The following OVCH1 variants were observed in gnomAD, a reference collection of about 807,000 sequenced individuals.
The protein encoded by OVCH1 is ovochymase-1.
A neutral mutation model predicts 138.4 loss-of-function variants in OVCH1; 139 were observed. The observed-to-expected ratio is 1.00, with a 90% confidence interval of 0.87 to 1.16. OVCH1 has a LOEUF of 1.16. Ranked by LOEUF, OVCH1 falls within the 50% of genes most tolerant of loss-of-function variation. OVCH1 has a pLI of 0.00. For synonymous variants in OVCH1, 453 were observed against 467.8 expected, an observed-to-expected ratio of 0.97 and a Z score of 0.41; for missense variants, 1,367 against 1,357.9, an observed-to-expected ratio of 1.01 and a Z score of -0.11.
At position 29,485,964 on chromosome 12, in the gene OVCH1, AAAATAAAATAAATAAATAAAT is replaced by A. The variant is rs199775683; in HGVS notation, c.995+261_995+281del. Among the ~76,000 whole-genome samples the A allele has an allele frequency of 5.5e-4, 54 of 98,820 alleles. No individual in the cohort carries two copies. In the East Asian group the frequency reaches 0.012, roughly 22 times the overall value. 64.8% of individuals were successfully genotyped at this position (98,820 alleles called of 152,430 possible). A position where few individuals can be genotyped will look rare whatever the true frequency, so the allele number is the denominator to read the frequency against. ...CATCTCAAAATAAATAAAATAAAATAAAATAAAATAAATAAATAAATAAATAAATAAATAAATAAATAAATA... is the reference window on the plus strand; with the variant it reads ...CATCTCAAAATAAATAAAATAAAATAAAATAAATAAATAAATAAATAAATA... On this transcript the variant is annotated intron_variant, in intron 8 of 27. Transcript: ENST00000318184.
At chr12:29,496,151 C>T in intron 3 of OVCH1, 30 bp downstream of exon 3, 1 of 1,550,238 alleles carries the variant, frequency 6.5e-7, no homozygotes, top group Non-Finnish European at 8.8e-7. Context: ...GGAATCAAGG[C>T]CTGACAAGTA....
Position 29,464,610 on chromosome 12 carries a change from CA to C in OVCH1, c.2021del (p.Leu674ArgfsTer7). On this transcript the variant is annotated frameshift_variant, in exon 18 of 28. Transcript: ENST00000318184. LOFTEE classifies it high-confidence loss of function. ...CTGGCCTCACCACCGAGTTGTACTC[CA>C]GAGGAGAGCTTAGTTGTATTAGGGC... is the stretch of plus-strand genomic sequence containing the variant. 1 of 1,613,618 alleles carries C rather than the reference CA, an allele frequency of 6.2e-7. No individual in the cohort carries two copies. The highest frequency in any genetic ancestry group is 8.5e-7 in the Non-Finnish European group (1 of 1,179,696).
Position 29,455,287 on chromosome 12 carries a change from ACT to A in OVCH1, c.2397_2398del (p.Arg799SerfsTer22), listed in dbSNP as rs749132658. 3 of 1,613,628 alleles carry A rather than the reference ACT, an allele frequency of 1.9e-6. No homozygotes were observed. Among genetic ancestry groups the A allele is most frequent in the South Asian group, 1.1e-5 (1 of 91,056 alleles). ...TTGGATCCAGTCCAAGAAGATCATC[ACT>A]CTGGCAAATACACCCGGCTTCCATG... On this transcript the variant is annotated frameshift_variant, in exon 20 of 28. Transcript: ENST00000318184. LOFTEE classifies it high-confidence loss of function.
chr12:29,405,021 CAAAAAAAAA>C, the OVCH1 span, among the ~76,000 whole-genome samples: 1,393 of 79,022 alleles, frequency 0.018, no homozygotes, highest in African/African-American at 0.035. Context: ...CACTCCACCT[CAAAAAAAAA>C]AAAAAAAAAA....
rs374327166 is a variant in OVCH1 at position 29,453,739 on chromosome 12, C to T, written c.2530+1102G>A. Among the ~76,000 whole-genome samples, 27 of 152,132 alleles carry T rather than the reference C, an allele frequency of 1.8e-4. 1 individual carries two copies. The South Asian group carries it at 5.2e-3, about 29-fold the overall frequency. ...ACATACACTCTGAATTCCCTTATAC[C>T]CTTCACATACTTGGGGATACTCCAC... On this transcript the variant is annotated intron_variant, in intron 21 of 27. Coordinates refer to ENST00000318184, the Ensembl canonical transcript of OVCH1.
chr12:29,470,852 C>T (rs992851093), intron 16 of OVCH1, among the ~76,000 whole-genome samples: 16 of 152,130 alleles, frequency 1.1e-4, no homozygotes, highest in Admixed American at 1.0e-3. Flanking sequence ...AAAAGCGTTC[C>T]TATTTCTCTA....
intron 19 of OVCH1, among the ~76,000 whole-genome samples, chr12:29,458,930 A>G (rs1169034216): frequency 1.3e-5 from 2 of 152,212 alleles, no homozygotes; most frequent in African/African-American, 4.8e-5. Context: ...CAAAACTACA[A>G]TGAGATATCA....
At chr12:29,466,802 A>AAAG (rs570514835) in intron 16 of OVCH1, among the ~76,000 whole-genome samples, 69 of 152,294 alleles carry the variant, frequency 4.5e-4, no homozygotes, top group African/African-American at 1.5e-3. Context: ...GTGTCTGAGG[A>AAAG]AAGAGTCCCT....
chr12:29,494,164 C>A (rs1943349417), intron 4 of OVCH1, among the ~76,000 whole-genome samples: 1 of 152,146 alleles, frequency 6.6e-6, no homozygotes, highest in Non-Finnish European at 1.5e-5. Context: ...ACACACAACT[C>A]CCTCTCCCTA....
the OVCH1 span, among the ~76,000 whole-genome samples, chr12:29,407,054 C>G: frequency 6.6e-6 from 1 of 152,040 alleles, no homozygotes; most frequent in Non-Finnish European, 1.5e-5. Context: ...CTCTGATGGC[C>G]AGTGATGATG....
chr12:29,405,713 T>C, the OVCH1 span, among the ~76,000 whole-genome samples: 1 of 152,206 alleles, frequency 6.6e-6, no homozygotes, highest in South Asian at 2.1e-4. Flanking sequence ...ATAATATCAC[T>C]TCATAGAAGG....
chr12:29,470,869 C>T lies in OVCH1; in HGVS notation c.1856+933G>A, dbSNP rs1055915343. On this transcript the variant is annotated intron_variant, in intron 16 of 27. Coordinates refer to ENST00000318184, the Ensembl canonical transcript of OVCH1. ...AAGCGTTCCTATTTCTCTACATCCA[C>T]TCCAGCATCTGTTGTTTCCTGACTT... Among the ~76,000 whole-genome samples, 9 of 152,310 alleles carry T rather than the reference C, an allele frequency of 5.9e-5. 1 individual carries two copies. In the East Asian group the frequency reaches 1.7e-3, roughly 29 times the overall value.
At chr12:29,489,859 CAG>C in intron 5 of OVCH1, 88 bp from the exon 6 acceptor site, 3 of 1,383,612 alleles carry the variant, frequency 2.2e-6, no homozygotes, top group Non-Finnish European at 2.0e-6. Context: ...CTATTTCAAA[CAG>C]ATTTTTAACC....
At chr12:29,473,926 T>C (rs552222623) in intron 14 of OVCH1, among the ~76,000 whole-genome samples, 25 of 152,250 alleles carry the variant, frequency 1.6e-4, no homozygotes, top group Admixed American at 1.3e-3. Context: ...CTTTCTTCCA[T>C]GCTGGATGCT....
chr12:29,429,099 C>CAGTGTTGCACACTGTA (rs1941226676), intron 27 of OVCH1, among the ~76,000 whole-genome samples: 1 of 152,202 alleles, frequency 6.6e-6, no homozygotes, highest in African/African-American at 2.4e-5. Flanking sequence ...GCTAATGGAA[C>CAGTGTTGCACACTGTA]TTTTCTCCAC....
chr12:29,413,359 G>T (rs925609494), intron 3 of OVCH1, among the ~76,000 whole-genome samples: 2 of 152,080 alleles, frequency 1.3e-5, no homozygotes, highest in African/African-American at 4.8e-5. Context: ...AAATACATCT[G>T]CCCTTTTTCC....
intron 19 of OVCH1, among the ~76,000 whole-genome samples, chr12:29,459,118 A>G (rs1942047230): frequency 1.3e-5 from 2 of 152,174 alleles, no homozygotes. Context: ...TTGATCTAGC[A>G]ATCCCACTCC....
rs1023603150 is a variant in OVCH1 at position 29,440,364 on chromosome 12, G to GTAC, written c.3158-933_3158-931dup. Among the ~76,000 whole-genome samples, 202 of 152,212 alleles carry GTAC rather than the reference G, an allele frequency of 1.3e-3. 1 individual carries two copies. The highest frequency in any genetic ancestry group is 4.6e-3 in the African/African-American group (189 of 41,532). On this transcript the variant is annotated intron_variant, in intron 25 of 27. Transcript: ENST00000318184. ...ATAAGTAATAATTGATATTGCTAAT[G>GTAC]TACTCTTCCTTCTCTGTCCCCTTCT...
chr12:29,460,203 ATCTT>A (rs1201296659), intron 19 of OVCH1, among the ~76,000 whole-genome samples: 2 of 152,176 alleles, frequency 1.3e-5, no homozygotes, highest in Admixed American at 1.3e-4. Context: ...TGTGACATGG[ATCTT>A]TCTAAGACCC....
Sources: allele counts gnomAD v4.1 joint callset (sites outside exome capture counted in the v4.1 genomes callset), GRCh38; gene constraint gnomAD v4.1.1; transcripts MANE v1.5; gene names NCBI Gene and HGNC (gene_info 2026-07-23, HGNC 2026-07-21).